The following IL34 variants were observed in gnomAD, a reference collection of about 807,000 sequenced individuals.
The protein encoded by IL34 is interleukin-34.
In IL34, 17 loss-of-function variants were observed where a neutral mutation model predicts 25.3. The ratio of observed to expected loss-of-function variants is 0.67; its 90% CI spans 0.46 to 1.01. The LOEUF (loss-of-function observed/expected upper bound fraction) is 1.01. Among genes scored for constraint, IL34 ranks in the 50% least tolerant of loss-of-function variants. The pLI, the probability that IL34 is intolerant of heterozygous loss-of-function variation, is 0.00. For synonymous variants in IL34, 174 were observed against 140.9 expected, an observed-to-expected ratio of 1.23 and a Z score of -1.66; for missense variants, 368 against 312.9, an observed-to-expected ratio of 1.18 and a Z score of -1.33.
Position 70,660,042 on chromosome 16 carries a change from G to C in IL34, c.584G>C (p.Ser195Thr), listed in dbSNP as rs7206509. ...AACTGGCAGGACTGTGAGGTGCCAAGTCCTCAGTCTTGCAGCCCAGAGCCC... is the reference window on the plus strand; with the variant it reads ...AACTGGCAGGACTGTGAGGTGCCAACTCCTCAGTCTTGCAGCCCAGAGCCC... ...VLNWQDCEVP[S>T]PQSCSPEPSL... is the part of the protein sequence containing the mutation. Residue 195 changes from serine (S) to threonine (T), a missense_variant, in exon 6 of 6, where the codon AGT becomes ACT. Ser to Thr is a moderately conservative substitution (Grantham distance 58). Transcript: ENST00000288098. The C allele has an allele frequency of 5.0e-3, 8,042 of 1,612,350 alleles. 365 individuals carry two copies. The African/African-American group carries it at 0.096, about 19-fold the overall frequency.
intron 1 of IL34, among the ~76,000 whole-genome samples, chr16:70,651,314 G>T (rs574839857): frequency 1.3e-5 from 2 of 152,224 alleles, no homozygotes; most frequent in Middle Eastern, 6.8e-3. Context: ...TAAGCTGAGG[G>T]GTTCAGGACT....
chr16:70,582,060 C>T (rs1030673010), intron 1 of IL34, among the ~76,000 whole-genome samples: 2 of 152,236 alleles, frequency 1.3e-5, no homozygotes, highest in Non-Finnish European at 2.9e-5. Flanking sequence ...AAGCCTGGGG[C>T]TTTAACTAGC....
intron 1 of IL34, among the ~76,000 whole-genome samples, chr16:70,628,469 T>TATTTATTTA (rs1567452401): frequency 2.9e-4 from 44 of 149,914 alleles, no homozygotes; most frequent in African/African-American, 1.1e-3. Flanking sequence ...GTGGGTTTGT[T>TATTTATTTA]TTTATTTATT....
At chr16:70,617,305 ATTAT>A (rs1161704800) in intron 1 of IL34, among the ~76,000 whole-genome samples, 9 of 152,200 alleles carry the variant, frequency 5.9e-5, no homozygotes, top group Admixed American at 1.3e-4. Flanking sequence ...GCCAGCAAAG[ATTAT>A]TTATTTACTT....
intron 1 of IL34, among the ~76,000 whole-genome samples, chr16:70,638,253 G>A (rs1331761243): frequency 2.0e-5 from 3 of 152,058 alleles, no homozygotes; most frequent in Non-Finnish European, 2.9e-5. Context: ...AAGGTAGGAG[G>A]ACCACTTGAG....
intron 1 of IL34, among the ~76,000 whole-genome samples, chr16:70,581,101 G>C (rs189585966): frequency 6.6e-6 from 1 of 151,868 alleles, no homozygotes; most frequent in Non-Finnish European, 1.5e-5. Context: ...TAGTAGAGAC[G>C]GGCTTTCACC....
chr16:70,598,436 G>GA (rs562032705), intron 1 of IL34, among the ~76,000 whole-genome samples: 110 of 149,466 alleles, frequency 7.4e-4, no homozygotes, highest in African/African-American at 2.0e-3. Flanking sequence ...GTCAACTAAA[G>GA]AAAAAAAAAA....
chr16:70,609,045 T>A (rs979915378), intron 1 of IL34, among the ~76,000 whole-genome samples: 2 of 152,140 alleles, frequency 1.3e-5, no homozygotes, highest in Non-Finnish European at 2.9e-5. Flanking sequence ...TTTTATTTTT[T>A]ATTTTTATTT....
intron 1 of IL34, among the ~76,000 whole-genome samples, chr16:70,636,253 G>A (rs2051640655): frequency 6.6e-6 from 1 of 151,828 alleles, no homozygotes; most frequent in Admixed American, 6.6e-5. Flanking sequence ...TGAGGCTGGT[G>A]TCAAACACCT....
intron 1 of IL34, among the ~76,000 whole-genome samples, chr16:70,615,140 T>A (rs948767799): frequency 6.6e-6 from 1 of 152,202 alleles, no homozygotes; most frequent in Non-Finnish European, 1.5e-5. Flanking sequence ...GTATGCATTT[T>A]TGCAACTTAT....
intron 1 of IL34, among the ~76,000 whole-genome samples, chr16:70,648,080 C>G (rs1376134046): frequency 2.0e-5 from 3 of 152,190 alleles, no homozygotes; most frequent in Non-Finnish European, 4.4e-5. Context: ...GAGAGCCAAG[C>G]AAAGTGTGCC....
At chr16:70,585,823 C>T (rs1458267386) in intron 1 of IL34, among the ~76,000 whole-genome samples, 2 of 150,934 alleles carry the variant, frequency 1.3e-5, no homozygotes, top group Non-Finnish European at 3.0e-5. Flanking sequence ...TGAGCCACTG[C>T]ATCCAGCCTC....
chr16:70,593,342 A>G (rs992559747), intron 1 of IL34, among the ~76,000 whole-genome samples: 11 of 152,188 alleles, frequency 7.2e-5, no homozygotes, highest in African/African-American at 2.4e-4. Context: ...TGATATATAG[A>G]AAAACATCAC....
intron 1 of IL34, 72 bp from the exon 2 acceptor site, chr16:70,654,466 G>C (rs1240965809): frequency 1.3e-6 from 2 of 1,519,626 alleles, no homozygotes; most frequent in Non-Finnish European, 1.8e-6. Flanking sequence ...GGTTGTGCTC[G>C]GCTTTGCGTG....
Position 70,657,085 on chromosome 16 carries a change from G to A in IL34, c.366G>A (p.Val122=), listed in dbSNP as rs755199626. 1.9e-6 allele frequency: 3 copies of A among 1,613,146 alleles called. No homozygotes were observed. The highest frequency in any genetic ancestry group is 1.3e-5 in the African/African-American group (1 of 74,862). Residue 122 remains valine, a synonymous_variant, in exon 4 of 6, where the codon GTG becomes GTA. Coordinates refer to ENST00000288098, the MANE Select transcript of IL34 (RefSeq NM_001393494.1). The stretch of plus-strand genomic sequence containing the variant: ...CATCCTGGAAGTACCTGCAGGAGGT[G>A]GAGACGCTGCTGCTGAATGTCCAGC... ...GHPSWKYLQE[V]ETLLLNVQQG... is the part of the protein sequence containing the mutation.
chr16:70,592,519 T>A (rs1442447781), intron 1 of IL34, among the ~76,000 whole-genome samples: 1 of 152,152 alleles, frequency 6.6e-6, no homozygotes, highest in Non-Finnish European at 1.5e-5. Flanking sequence ...GTTCTGAGAC[T>A]TGAATCCTGG....
At chr16:70,606,536 C>T (rs2051007356) in intron 1 of IL34, among the ~76,000 whole-genome samples, 1 of 152,174 alleles carries the variant, frequency 6.6e-6, no homozygotes. Flanking sequence ...CACCACCCTC[C>T]ACCCCCAAAC....
intron 1 of IL34, among the ~76,000 whole-genome samples, chr16:70,618,684 G>A (rs914890621): frequency 2.0e-5 from 3 of 152,152 alleles, no homozygotes; most frequent in African/African-American, 7.2e-5. Context: ...CATGCCTAGG[G>A]AGGAAAGGAA....
chr16:70,630,903 A>C (rs8056766), intron 1 of IL34, among the ~76,000 whole-genome samples: 13,983 of 152,082 alleles, frequency 0.092, 2,122 homozygotes, highest in African/African-American at 0.32. Flanking sequence ...GCTGATGGGC[A>C]CTCAGTTTGC....
Sources: gnomAD v4.1 joint callset for allele counts (sites outside exome capture counted in the v4.1 genomes callset) on GRCh38, gnomAD v4.1.1 for gene constraint, MANE v1.5 for transcripts, NCBI Gene and HGNC (gene_info 2026-07-23, HGNC 2026-07-21) for gene names.